The following LRP1B variants were observed in gnomAD, a reference collection of about 807,000 sequenced individuals.
LRP1B encodes LDL receptor related protein 1B.
LRP1B carries 217 observed loss-of-function variants against 556.6 expected under a neutral mutation model. That is an observed-to-expected ratio of 0.39 (90% CI 0.35 to 0.44). The LOEUF is 0.44. Ranked by LOEUF, LRP1B falls within the 20% of genes least tolerant of loss-of-function variation. LRP1B has a pLI of 1.00. For missense variants in LRP1B, 5,053 were observed against 5,620.8 expected, an observed-to-expected ratio of 0.90 and a Z score of 3.23; for synonymous variants, 2,047 against 1,865.8, an observed-to-expected ratio of 1.10 and a Z score of -2.50.
At chr2:140,997,447 C>T (rs1272845708) in intron 15 of LRP1B, among the ~76,000 whole-genome samples, 1 of 151,788 alleles carries the variant, frequency 6.6e-6, no homozygotes, top group Non-Finnish European at 1.5e-5. Context: ...GGACTCAAGA[C>T]ATATTCCTGA....
At chr2:141,712,609 A>G (rs1231220377) in intron 2 of LRP1B, among the ~76,000 whole-genome samples, 2 of 152,094 alleles carry the variant, frequency 1.3e-5, no homozygotes, top group East Asian at 3.9e-4. Flanking sequence ...AAGTCACAAA[A>G]CAGAGTTGTT....
chr2:141,136,787 G>A (rs906567943), intron 7 of LRP1B, among the ~76,000 whole-genome samples: 1 of 151,796 alleles, frequency 6.6e-6, no homozygotes, highest in African/African-American at 2.4e-5. Flanking sequence ...GGGTTGAAGC[G>A]TGAATTTGAC....
chr2:140,389,457 A>C, intron 66 of LRP1B, among the ~76,000 whole-genome samples: 1 of 151,720 alleles, frequency 6.6e-6, no homozygotes, highest in East Asian at 1.9e-4. Flanking sequence ...GTAATAAAAT[A>C]TAGATCAATA....
chr2:140,395,549 T>C (rs544879597), intron 66 of LRP1B, among the ~76,000 whole-genome samples: 1 of 152,322 alleles, frequency 6.6e-6, no homozygotes, highest in South Asian at 2.1e-4. Flanking sequence ...CAGTTAAGAA[T>C]AACAGTGCCA....
In LRP1B at chr2:141,923,232, C is replaced by T. The variant is rs140541526; in HGVS notation, c.83-112831G>A. On this transcript the variant is annotated intron_variant, in intron 1 of 90. Coordinates refer to ENST00000389484, the MANE Select transcript of LRP1B (RefSeq NM_018557.3). Reference sequence around the variant, plus strand: ...TAGCAGGTGAATATTATAACAGTTACGGAAAAATTTATCCACAAGGGATGA... The same window carrying T: ...TAGCAGGTGAATATTATAACAGTTATGGAAAAATTTATCCACAAGGGATGA... Among the ~76,000 whole-genome samples, 348 of 151,706 alleles carry T rather than the reference C, an allele frequency of 2.3e-3. 1 individual carries two copies. Among genetic ancestry groups the T allele is most frequent in the African/African-American group, 8.0e-3 (329 of 41,380 alleles).
intron 2 of LRP1B, among the ~76,000 whole-genome samples, chr2:141,542,071 C>T (rs555436636): frequency 1.4e-5 from 2 of 144,344 alleles, no homozygotes; most frequent in South Asian, 2.2e-4. Flanking sequence ...ATTCTTTTTG[C>T]GATAAACAAA....
intron 1 of LRP1B, among the ~76,000 whole-genome samples, chr2:141,986,884 G>A (rs1011486585): frequency 6.6e-6 from 1 of 151,938 alleles, no homozygotes; most frequent in South Asian, 2.1e-4. Flanking sequence ...CTATTTATGA[G>A]AGGCATAAAA....
At chr2:141,139,647 C>T (rs766838546) in intron 7 of LRP1B, among the ~76,000 whole-genome samples, 8 of 151,836 alleles carry the variant, frequency 5.3e-5, no homozygotes, top group Non-Finnish European at 7.4e-5. Context: ...TAATGCAATA[C>T]AATTACATAT....
chr2:140,807,319 A>AAGTT lies in LRP1B; in HGVS notation c.5359+6334_5359+6337dup, dbSNP rs376816632. On this transcript the variant is annotated intron_variant, in intron 32 of 90. Transcript: ENST00000389484. The stretch of plus-strand genomic sequence containing the variant: ...ACCATATCATTATCTCATAAAACAG[A>AAGTT]AGTTTTTTTAAATTTGTGTTTATTT... Among the ~76,000 whole-genome samples, 638 of 152,142 alleles carry AAGTT rather than the reference A, an allele frequency of 4.2e-3. 2 individuals carry two copies. Among genetic ancestry groups the AAGTT allele is most frequent in the African/African-American group, 0.014 (570 of 41,528 alleles).
At chr2:141,298,822 G>C (rs1368660954) in intron 3 of LRP1B, among the ~76,000 whole-genome samples, 1 of 151,734 alleles carries the variant, frequency 6.6e-6, no homozygotes, top group Non-Finnish European at 1.5e-5. Flanking sequence ...AGGTGTGGTG[G>C]TGGTGCCTGT....
intron 2 of LRP1B, among the ~76,000 whole-genome samples, chr2:141,798,705 CAAA>C (rs151310050): frequency 0.016 from 979 of 62,020 alleles, 6 homozygotes; most frequent in African/African-American, 0.053. Flanking sequence ...GACTCTGTCT[CAAA>C]AAAAAAAAAA....
chr2:140,846,905 C>T (rs1692290575), intron 29 of LRP1B, among the ~76,000 whole-genome samples: 1 of 152,062 alleles, frequency 6.6e-6, no homozygotes, highest in Non-Finnish European at 1.5e-5. Context: ...AGTTTTTCTG[C>T]TAATGGAAAG....
chr2:141,965,468 C>T (rs1234492684), intron 1 of LRP1B, among the ~76,000 whole-genome samples: 4 of 75,160 alleles, frequency 5.3e-5, no homozygotes, highest in African/African-American at 1.6e-4. Context: ...AAATTGGAAA[C>T]CATCATTCTC....
At chr2:141,479,648 C>T (rs541493975) in intron 3 of LRP1B, among the ~76,000 whole-genome samples, 1 of 152,226 alleles carries the variant, frequency 6.6e-6, no homozygotes, top group African/African-American at 2.4e-5. Flanking sequence ...CATCCTGCAG[C>T]CTGATTCACT....
intron 3 of LRP1B, among the ~76,000 whole-genome samples, chr2:141,445,978 A>G (rs1229838331): frequency 6.6e-6 from 1 of 152,026 alleles, no homozygotes; most frequent in Non-Finnish European, 1.5e-5. Context: ...ATACTTGTTA[A>G]TTTTCTGTCT....
At chr2:141,567,376 G>A (rs1044624467) in intron 2 of LRP1B, among the ~76,000 whole-genome samples, 19 of 152,006 alleles carry the variant, frequency 1.2e-4, no homozygotes, top group Non-Finnish European at 2.8e-4. Flanking sequence ...TAAGGATTTT[G>A]TTATTTGTTT....
intron 81 of LRP1B, among the ~76,000 whole-genome samples, chr2:140,322,289 T>C (rs17477276): frequency 0.037 from 5,644 of 152,168 alleles, 192 homozygotes; most frequent in African/African-American, 0.087. Flanking sequence ...TCATCATTAA[T>C]AGTAAGTTTG....
intron 41 of LRP1B, among the ~76,000 whole-genome samples, chr2:140,699,957 G>A (rs1686572474): frequency 6.7e-6 from 1 of 149,914 alleles, no homozygotes; most frequent in Non-Finnish European, 1.5e-5. Context: ...ACTGAAAAAT[G>A]ATTTTTCATG....
At chr2:141,029,351 T>G (rs986946188) in intron 11 of LRP1B, among the ~76,000 whole-genome samples, 1 of 152,116 alleles carries the variant, frequency 6.6e-6, no homozygotes, top group Non-Finnish European at 1.5e-5. Context: ...TTTATGGGTA[T>G]TGGGAGAGGC....
Sources: gnomAD v4.1 joint callset for allele counts (sites outside exome capture counted in the v4.1 genomes callset) on GRCh38, gnomAD v4.1.1 for gene constraint, MANE v1.5 for transcripts, NCBI Gene and HGNC (gene_info 2026-07-23, HGNC 2026-07-21) for gene names.